CAMKMT: variants seen among roughly 807,000 people sequenced by gnomAD.
The protein encoded by CAMKMT is CaM KMT.
A neutral mutation model predicts 48.0 loss-of-function variants in CAMKMT; 53 were observed. The observed-to-expected ratio is 1.10, with a 90% CI of 0.89 to 1.39. The LOEUF (loss-of-function observed/expected upper bound fraction) is 1.39. Among genes scored for constraint, CAMKMT ranks in the 40% most tolerant of loss-of-function variants. The pLI is 0.00. For missense variants in CAMKMT, 428 were observed against 402.7 expected (o/e 1.06, Z -0.54); for synonymous variants, 165 against 152.3 (o/e 1.08, Z -0.61).
In CAMKMT at chr2:44,411,667, A is replaced by G. The variant is rs1457817681; in HGVS notation, c.376+21362A>G. On this transcript the variant is annotated intron_variant, in intron 3 of 10. Transcript: ENST00000378494. ...ATGCAAATAAATACTGCCTTGGACA[A>G]TGTAACATTATTGTCTTTCTCTTAT... 3.3e-5 allele frequency among the ~76,000 whole-genome samples: 5 copies of G among 152,148 alleles called. No individual in the cohort carries two copies. In the East Asian group the frequency reaches 5.8e-4, roughly 18 times the overall value.
chr2:44,665,815 T>C (rs974723953), intron 3 of CAMKMT, among the ~76,000 whole-genome samples: 1 of 152,212 alleles, frequency 6.6e-6, no homozygotes, highest in Non-Finnish European at 1.5e-5. Flanking sequence ...TTGGGGTCCA[T>C]ACATCAAATC....
At chr2:44,418,421 G>C (rs144587569) in intron 3 of CAMKMT, among the ~76,000 whole-genome samples, 4 of 151,708 alleles carry the variant, frequency 2.6e-5, no homozygotes, top group South Asian at 2.1e-4. Flanking sequence ...TAGAAGTTAA[G>C]GTTCTTTTGT....
In CAMKMT at chr2:44,365,841, C is replaced by G. The variant is rs183953191; in HGVS notation, c.138+3696C>G. ...CCACCTACCGAATGAAAAATGTTGCCTAGAGGTATGAATACTTGGCTGAAG... is the reference window on the plus strand; with the variant it reads ...CCACCTACCGAATGAAAAATGTTGCGTAGAGGTATGAATACTTGGCTGAAG... On this transcript the variant is annotated intron_variant, in intron 1 of 10. Transcript: ENST00000378494. Among the ~76,000 whole-genome samples the G allele has an allele frequency of 1.5e-3, 229 of 152,310 alleles. 1 individual carries two copies. Among genetic ancestry groups the G allele is most frequent in the African/African-American group, 5.3e-3 (220 of 41,560 alleles).
At chr2:44,573,131 C>G (rs1200712989) in intron 3 of CAMKMT, among the ~76,000 whole-genome samples, 2 of 151,504 alleles carry the variant, frequency 1.3e-5, no homozygotes, top group African/African-American at 4.9e-5. Context: ...TAATAGTAAT[C>G]TTTTCATGTG....
chr2:44,432,303 A>G (rs1057432810), intron 3 of CAMKMT, among the ~76,000 whole-genome samples: 2 of 152,140 alleles, frequency 1.3e-5, no homozygotes. Context: ...CCCATTGCCC[A>G]TCCCCTGACT....
At chr2:44,469,834 G>T (rs567963178) in intron 3 of CAMKMT, among the ~76,000 whole-genome samples, 1 of 150,974 alleles carries the variant, frequency 6.6e-6, no homozygotes, top group Non-Finnish European at 1.5e-5. Context: ...ACGTTTGTTT[G>T]CTCTCATGTT....
intron 3 of CAMKMT, among the ~76,000 whole-genome samples, chr2:44,648,015 C>A (rs557807978): frequency 6.6e-6 from 1 of 150,966 alleles, no homozygotes; most frequent in East Asian, 1.9e-4. Context: ...GATTAAAAAC[C>A]CGAATGAAGA....
At chr2:44,616,919 A>G (rs1671924616) in intron 3 of CAMKMT, among the ~76,000 whole-genome samples, 1 of 152,236 alleles carries the variant, frequency 6.6e-6, no homozygotes, top group Admixed American at 6.5e-5. Context: ...ATAATAGCCA[A>G]TGAAGGGGAG....
intron 3 of CAMKMT, among the ~76,000 whole-genome samples, chr2:44,698,675 G>C (rs1439196743): frequency 1.3e-5 from 2 of 152,228 alleles, no homozygotes; most frequent in Admixed American, 6.5e-5. Context: ...ATGGTTAGCA[G>C]GGTGATGGTT....
chr2:44,522,681 T>G (rs561357447), intron 3 of CAMKMT, among the ~76,000 whole-genome samples: 1 of 152,362 alleles, frequency 6.6e-6, no homozygotes, highest in East Asian at 1.9e-4. Flanking sequence ...TTGAAGGCAT[T>G]TCTTAATTTG....
chr2:44,719,920 T>G (rs1171813252), intron 7 of CAMKMT, among the ~76,000 whole-genome samples: 1 of 152,202 alleles, frequency 6.6e-6, no homozygotes, highest in African/African-American at 2.4e-5. Flanking sequence ...TGAGTTTTGC[T>G]AGAATTATAG....
chr2:44,589,883 T>TAAAAAAAAAAAAAAA (rs1218817837), intron 3 of CAMKMT, among the ~76,000 whole-genome samples: 10 of 23,176 alleles, frequency 4.3e-4, no homozygotes, highest in East Asian at 7.9e-4. Flanking sequence ...GAATGATCAA[T>TAAAAAAAAAAAAAAA]AAAAAAAAAA....
intron 3 of CAMKMT, among the ~76,000 whole-genome samples, chr2:44,477,160 C>T (rs1165357305): frequency 1.3e-5 from 2 of 152,140 alleles, no homozygotes; most frequent in Non-Finnish European, 2.9e-5. Flanking sequence ...TTTTAGAAAA[C>T]ACACAACAAA....
At chr2:44,633,739 C>A (rs1672971093) in intron 3 of CAMKMT, among the ~76,000 whole-genome samples, 1 of 151,980 alleles carries the variant, frequency 6.6e-6, no homozygotes, top group South Asian at 2.1e-4. Flanking sequence ...TCTGAGTCCA[C>A]TTCTATGGTT....
At chr2:44,405,708 A>G (rs542827397) in intron 3 of CAMKMT, among the ~76,000 whole-genome samples, 2 of 152,260 alleles carry the variant, frequency 1.3e-5, no homozygotes, top group African/African-American at 4.8e-5. Flanking sequence ...ATAATAACTC[A>G]TTTTTAAAGC....
At chr2:44,636,964 C>G (rs1215303195) in intron 3 of CAMKMT, among the ~76,000 whole-genome samples, 1 of 152,184 alleles carries the variant, frequency 6.6e-6, no homozygotes, top group East Asian at 1.9e-4. Context: ...AGAACATTCT[C>G]ATTCTGAGTT....
chr2:44,484,700 A>T (rs967194680), intron 3 of CAMKMT, among the ~76,000 whole-genome samples: 1 of 151,886 alleles, frequency 6.6e-6, no homozygotes, highest in Admixed American at 6.6e-5. Context: ...ACAAAAAAAA[A>T]AAAACCATAC....
chr2:44,768,361 A>ATATATATATATATT lies in CAMKMT; in HGVS notation c.894+1801_894+1802insATATATATATATTT, dbSNP rs35058824. On this transcript the variant is annotated intron_variant, in intron 10 of 10. Transcript: ENST00000378494. ...GCCCATGATATATATATATATATAT[A>ATATATATATATATT]TTTTTTTTTTTTTTTTAATAATGAG... is the stretch of plus-strand genomic sequence containing the variant. Among the ~76,000 whole-genome samples the ATATATATATATATT allele has an allele frequency of 3.0e-3, 352 of 115,682 alleles. 5 individuals carry two copies. The highest frequency in any genetic ancestry group is 0.012 in the African/African-American group (331 of 26,938). The allele number at this position is 115,682 out of a possible 152,430, so 75.9% of individuals were successfully genotyped here. A position where few individuals can be genotyped will look rare whatever the true frequency, so the allele number is the denominator to read the frequency against.
intron 1 of CAMKMT, 24 bp downstream of exon 1, chr2:44,362,169 A>C (rs369951370): frequency 2.8e-6 from 4 of 1,449,256 alleles, no homozygotes; most frequent in African/African-American, 3.0e-5. Context: ...TGCTCGCCTC[A>C]CCTTTGCCTC....
Sources: allele counts gnomAD v4.1 joint callset (sites outside exome capture counted in the v4.1 genomes callset), GRCh38; gene constraint gnomAD v4.1.1; transcripts MANE v1.5; gene names NCBI Gene and HGNC (gene_info 2026-07-23, HGNC 2026-07-21).